The following ELAVL2 variants were observed in gnomAD, a reference collection of about 807,000 sequenced individuals.
ELAVL2 encodes the protein ELAV like RNA binding protein 2.
ELAVL2 carries 4 observed loss-of-function variants against 34.6 expected under a neutral mutation model. That is an observed-to-expected ratio of 0.12 (90% CI 0.06 to 0.26). ELAVL2 has a LOEUF of 0.26. Ranked by LOEUF, ELAVL2 falls within the 10% of genes least tolerant of loss-of-function variation. The pLI is 1.00. For missense variants in ELAVL2, 432 were observed against 442.8 expected (o/e 0.98, Z 0.22); for synonymous variants, 193 against 154.8 (o/e 1.25, Z -1.83).
At chr9:23,827,402 T>G (rs2065355427), upstream of ELAVL2, among the ~76,000 whole-genome samples, 1 of 152,182 alleles carries the variant, frequency 6.6e-6, no homozygotes, top group Non-Finnish European at 1.5e-5. Context: ...GAAAGTGAGG[T>G]CCTCAGGATC....
chr9:23,692,955 C>T (rs1029671187), intron 6 of ELAVL2, 71 bp from the exon 7 acceptor site: 15 of 1,387,504 alleles, frequency 1.1e-5, no homozygotes, highest in African/African-American at 4.4e-5. Flanking sequence ...TAGCAATGAA[C>T]GTATACCTTT....
intron 5 of ELAVL2, among the ~76,000 whole-genome samples, chr9:23,696,513 G>A (rs1013145519): frequency 6.6e-6 from 1 of 152,192 alleles, no homozygotes; most frequent in African/African-American, 2.4e-5. Context: ...CTGTCACCCA[G>A]GCTGGAGTGC....
chr9:23,742,021 C>G (rs1184259721), intron 2 of ELAVL2, among the ~76,000 whole-genome samples: 1 of 152,146 alleles, frequency 6.6e-6, no homozygotes, highest in Non-Finnish European at 1.5e-5. Flanking sequence ...ATCCATACTT[C>G]CTTGGCATGA....
chr9:23,782,540 C>G (rs2059202548), intron 1 of ELAVL2, among the ~76,000 whole-genome samples: 1 of 152,114 alleles, frequency 6.6e-6, no homozygotes, highest in South Asian at 2.1e-4. Flanking sequence ...CCACCACACT[C>G]CAGACTGGGT....
intron 1 of ELAVL2, among the ~76,000 whole-genome samples, chr9:23,820,378 C>G (rs1295865886): frequency 1.3e-5 from 2 of 152,140 alleles, no homozygotes; most frequent in Non-Finnish European, 2.9e-5. Context: ...TACATTTTGG[C>G]ACTTCTAAGA....
At chr9:23,733,172 T>TAA (rs397953305) in intron 2 of ELAVL2, among the ~76,000 whole-genome samples, 10,764 of 104,380 alleles carry the variant, frequency 0.1, 601 homozygotes, top group East Asian at 0.24. Flanking sequence ...CTAGAAAGCT[T>TAA]AAAAAAAAAA....
At chr9:23,803,727 C>T (rs528619220) in intron 1 of ELAVL2, among the ~76,000 whole-genome samples, 1 of 152,186 alleles carries the variant, frequency 6.6e-6, no homozygotes, top group South Asian at 2.1e-4. Context: ...TAATCCTCTT[C>T]TCCTGGGGGG....
chr9:23,759,804 T>C (rs1301153088), intron 2 of ELAVL2, among the ~76,000 whole-genome samples: 1 of 125,406 alleles, frequency 8.0e-6, no homozygotes, highest in Admixed American at 8.2e-5. Context: ...TATAGAAACG[T>C]CTTACATCTT....
intron 1 of ELAVL2, among the ~76,000 whole-genome samples, chr9:23,776,556 A>G (rs2058221750): frequency 6.6e-6 from 1 of 152,146 alleles, no homozygotes; most frequent in African/African-American, 2.4e-5. Context: ...CGCTGTGCTC[A>G]GATGCTGGGA....
At chr9:23,693,282 A>C (rs1200028684) in intron 6 of ELAVL2, among the ~76,000 whole-genome samples, 166 bp downstream of exon 6, 3 of 152,184 alleles carry the variant, frequency 2.0e-5, no homozygotes, top group Admixed American at 2.0e-4. Flanking sequence ...GGTGGTATAA[A>C]AATTTCTTGA....
rs1295769153 is a variant in ELAVL2 at position 23,692,371 on chromosome 9, T to C, written c.*186A>G. 1 of 640,658 alleles carries C rather than the reference T, an allele frequency of 1.6e-6. No individual in the cohort carries two copies. The highest frequency in any genetic ancestry group is 2.6e-6 in the Non-Finnish European group (1 of 387,252). The allele number at this position is 640,658 out of a possible 1,614,324, so 39.7% of individuals were successfully genotyped here. A position where few individuals can be genotyped will look rare whatever the true frequency, so the allele number is the denominator to read the frequency against. On this transcript the variant is annotated 3_prime_UTR_variant, in exon 7 of 7. Transcript: ENST00000397312. ...CTTGTCCATATTCAAACATAAAAGA[T>C]ATTTAAGAAGTTTTAATTCAAATAC...
At chr9:23,848,046 A>G in the ELAVL2 span, among the ~76,000 whole-genome samples, 1 of 152,026 alleles carries the variant, frequency 6.6e-6, no homozygotes, top group East Asian at 1.9e-4. Context: ...TATATACAGG[A>G]CATATATTTA....
At chr9:23,717,489 A>G (rs368937561) in intron 3 of ELAVL2, among the ~76,000 whole-genome samples, 27 of 152,346 alleles carry the variant, frequency 1.8e-4, no homozygotes, top group African/African-American at 5.8e-4. Context: ...ACTTGATAGA[A>G]TAAGTATACT....
intron 1 of ELAVL2, among the ~76,000 whole-genome samples, chr9:23,824,783 G>C (rs759520909): frequency 3.3e-5 from 5 of 152,176 alleles, no homozygotes; most frequent in Non-Finnish European, 7.3e-5. Context: ...TATCTGCCCA[G>C]CTTGTCATCC....
chr9:23,841,971 A>G, the ELAVL2 span, among the ~76,000 whole-genome samples: 19 of 152,212 alleles, frequency 1.2e-4, no homozygotes, highest in Non-Finnish European at 1.5e-5. Context: ...TCAACTCATC[A>G]GATAACAACT....
chr9:23,784,386 G>A (rs2059436957), intron 1 of ELAVL2, among the ~76,000 whole-genome samples: 1 of 152,166 alleles, frequency 6.6e-6, no homozygotes, highest in Non-Finnish European at 1.5e-5. Flanking sequence ...CAGAAGAAAA[G>A]CCTTCTGCAG....
chr9:23,698,551 G>A (rs1440413333), intron 5 of ELAVL2, among the ~76,000 whole-genome samples: 1 of 152,034 alleles, frequency 6.6e-6, no homozygotes, highest in Non-Finnish European at 1.5e-5. Flanking sequence ...AAGGTACTAT[G>A]AGAACATAAA....
chr9:23,758,748 C>T (rs189930770), intron 2 of ELAVL2, among the ~76,000 whole-genome samples: 2 of 152,110 alleles, frequency 1.3e-5, no homozygotes, highest in East Asian at 1.9e-4. Context: ...CAAATAAGGC[C>T]GGGGAACTAT....
chr9:23,723,670 T>C (rs1185062808), intron 3 of ELAVL2, among the ~76,000 whole-genome samples: 1 of 152,168 alleles, frequency 6.6e-6, no homozygotes. Flanking sequence ...CATTTGAACA[T>C]GTGGTTCAAC....
Sources: gnomAD v4.1 joint callset for allele counts (sites outside exome capture counted in the v4.1 genomes callset) on GRCh38, gnomAD v4.1.1 for gene constraint, MANE v1.5 for transcripts, NCBI Gene and HGNC (gene_info 2026-07-23, HGNC 2026-07-21) for gene names.